INPP4B: variants seen among roughly 807,000 people sequenced by gnomAD.
INPP4B encodes the protein inositol polyphosphate 4-phosphatase type II.
A neutral mutation model predicts 122.5 loss-of-function variants in INPP4B; 55 were observed. That is an observed-to-expected ratio of 0.45 (90% CI 0.36 to 0.56). INPP4B has a LOEUF of 0.56. Among genes scored for constraint, INPP4B ranks in the 20% least tolerant of loss-of-function variants. The pLI, the probability that INPP4B is intolerant of heterozygous loss-of-function variation, is 0.00. For missense variants in INPP4B, 1,000 were observed against 1,097.7 expected (o/e 0.91, Z 1.26); for synonymous variants, 403 against 388.7 (o/e 1.04, Z -0.43).
chr4:142,355,080 G>C (rs938262747), intron 7 of INPP4B, among the ~76,000 whole-genome samples: 4 of 152,030 alleles, frequency 2.6e-5, no homozygotes, highest in African/African-American at 9.6e-5. Context: ...CTCTCTCTCT[G>C]TGCAAACTTT....
intron 1 of INPP4B, among the ~76,000 whole-genome samples, chr4:142,738,629 T>C (rs1580808412): frequency 6.6e-6 from 1 of 151,116 alleles, no homozygotes; most frequent in Admixed American, 6.6e-5. Context: ...AAAAAGAAGC[T>C]TCTCTTCTTA....
chr4:142,177,358 C>T (rs894735946), intron 15 of INPP4B, among the ~76,000 whole-genome samples: 3 of 152,146 alleles, frequency 2.0e-5, no homozygotes, highest in African/African-American at 4.8e-5. Context: ...TATATTTTAA[C>T]AGTTATAGCT....
At chr4:142,488,430 T>TTA (rs1426211970) in intron 2 of INPP4B, among the ~76,000 whole-genome samples, 5 of 152,092 alleles carry the variant, frequency 3.3e-5, no homozygotes, top group Admixed American at 3.3e-4. Context: ...CGCTTATACT[T>TTA]TATTAAAGTT....
intron 2 of INPP4B, among the ~76,000 whole-genome samples, chr4:142,564,360 A>G (rs1731114698): frequency 6.6e-6 from 1 of 151,062 alleles, no homozygotes; most frequent in African/African-American, 2.4e-5. Context: ...TGATAAAGGT[A>G]TAAAGAAGTA....
At chr4:142,447,969 A>T (rs1024182822) in intron 3 of INPP4B, among the ~76,000 whole-genome samples, 1 of 152,206 alleles carries the variant, frequency 6.6e-6, no homozygotes, top group African/African-American at 2.4e-5. Flanking sequence ...TCATAGAAAC[A>T]GAAGACTTCA....
intron 2 of INPP4B, among the ~76,000 whole-genome samples, chr4:142,704,405 C>T (rs1473316605): frequency 6.6e-6 from 1 of 152,098 alleles, no homozygotes; most frequent in African/African-American, 2.4e-5. Flanking sequence ...TTTGGTAAAA[C>T]TACCCCTTGA....
At chr4:142,297,501 A>G (rs1025320630) in intron 9 of INPP4B, among the ~76,000 whole-genome samples, 1 of 152,104 alleles carries the variant, frequency 6.6e-6, no homozygotes, top group African/African-American at 2.4e-5. Context: ...TTCTTGCAAG[A>G]TCTGGTTGAT....
At chr4:142,184,552 T>C (rs1176223529) in intron 15 of INPP4B, among the ~76,000 whole-genome samples, 1 of 152,174 alleles carries the variant, frequency 6.6e-6, no homozygotes, top group African/African-American at 2.4e-5. Context: ...AGGCAACACT[T>C]TGATGTTACT....
intron 1 of INPP4B, among the ~76,000 whole-genome samples, chr4:142,844,918 A>G (rs901888075): frequency 2.6e-5 from 4 of 152,230 alleles, no homozygotes; most frequent in Non-Finnish European, 4.4e-5. Flanking sequence ...TTAGGCTTTT[A>G]CTTACAGAGC....
chr4:142,727,824 G>A (rs183812176), intron 1 of INPP4B, among the ~76,000 whole-genome samples: 4 of 152,286 alleles, frequency 2.6e-5, no homozygotes, highest in African/African-American at 9.6e-5. Flanking sequence ...GCTATAGTGA[G>A]CCGAGATTGC....
chr4:142,406,261 G>A (rs369713995), intron 5 of INPP4B, among the ~76,000 whole-genome samples: 1 of 152,060 alleles, frequency 6.6e-6, no homozygotes, highest in East Asian at 1.9e-4. Context: ...AGCTATGGAT[G>A]GGGGAAGTAG....
intron 23 of INPP4B, 72 bp downstream of exon 23, chr4:142,108,021 T>TA: frequency 1.3e-6 from 1 of 788,234 alleles, no homozygotes. Flanking sequence ...CACTGACCTC[T>TA]ATGTCTGACC....
chr4:142,764,306 G>GTCATA (rs1376001283), intron 1 of INPP4B, among the ~76,000 whole-genome samples: 11 of 152,008 alleles, frequency 7.2e-5, no homozygotes, highest in African/African-American at 2.7e-4. Flanking sequence ...TTTTAAAATG[G>GTCATA]TAGTTGGAAA....
At chr4:142,612,702 G>T (rs1742825490) in intron 2 of INPP4B, among the ~76,000 whole-genome samples, 1 of 152,068 alleles carries the variant, frequency 6.6e-6, no homozygotes, top group Non-Finnish European at 1.5e-5. Context: ...ACTCCCTGGG[G>T]CCTTTTTTAT....
At chr4:142,445,731 A>T (rs1245539609) in intron 3 of INPP4B, among the ~76,000 whole-genome samples, 1 of 152,172 alleles carries the variant, frequency 6.6e-6, no homozygotes, top group East Asian at 1.9e-4. Flanking sequence ...ACAATAGAGT[A>T]CATATTTTTT....
intron 25 of INPP4B, among the ~76,000 whole-genome samples, chr4:142,074,187 C>A (rs939539250): frequency 6.6e-6 from 1 of 152,068 alleles, no homozygotes; most frequent in African/African-American, 2.4e-5. Context: ...TTAAACACAA[C>A]AGGCCAGTGG....
At chr4:142,154,704 T>A (rs1816245550) in intron 17 of INPP4B, among the ~76,000 whole-genome samples, 1 of 152,120 alleles carries the variant, frequency 6.6e-6, no homozygotes, top group African/African-American at 2.4e-5. Context: ...AGTGCAGAAT[T>A]ATATTAAGTT....
chr4:142,693,483 TAAAAAAAAAA>T (rs554003993), intron 2 of INPP4B, among the ~76,000 whole-genome samples: 2 of 52,394 alleles, frequency 3.8e-5, no homozygotes, highest in African/African-American at 1.6e-4. Context: ...TGCCTTTTTC[TAAAAAAAAAA>T]AAAAAAAAAA....
intron 2 of INPP4B, among the ~76,000 whole-genome samples, chr4:142,531,844 G>C (rs886781750): frequency 2.0e-5 from 3 of 152,108 alleles, no homozygotes; most frequent in African/African-American, 7.2e-5. Context: ...CCAGTTCTTA[G>C]TTGCTTCTCA....
Sources: gnomAD v4.1 joint callset for allele counts (sites outside exome capture counted in the v4.1 genomes callset) on GRCh38, gnomAD v4.1.1 for gene constraint, MANE v1.5 for transcripts, NCBI Gene and HGNC (gene_info 2026-07-23, HGNC 2026-07-21) for gene names.